XPR1: variants seen among roughly 807,000 people sequenced by gnomAD.
XPR1 encodes solute carrier family 53 member 1.
Under a neutral mutation model 87.5 loss-of-function variants are expected in XPR1, and 28 were observed. The ratio of observed to expected loss-of-function variants is 0.32; its 90% CI spans 0.24 to 0.44. XPR1 has a LOEUF of 0.44. Among genes scored for constraint, XPR1 ranks in the 20% least tolerant of loss-of-function variants. The probability of loss-of-function intolerance (pLI) is 1.00; values close to 1 mark genes in which losing one functional copy is unlikely to be tolerated. For missense variants in XPR1, 559 were observed against 862.3 expected (o/e 0.65, Z 4.41); for synonymous variants, 300 against 306.1 (o/e 0.98, Z 0.21).
intron 1 of XPR1, among the ~76,000 whole-genome samples, chr1:180,669,088 TAAAA>T (rs747188399): frequency 2.7e-5 from 3 of 111,836 alleles, no homozygotes; most frequent in South Asian, 5.7e-4. Context: ...AAACTCTGTC[TAAAA>T]AAAAAAAAAA....
At chr1:180,684,349 A>G (rs865908214) in intron 2 of XPR1, among the ~76,000 whole-genome samples, 7 of 152,048 alleles carry the variant, frequency 4.6e-5, no homozygotes, top group Middle Eastern at 3.4e-3. Context: ...TACCAGTACC[A>G]TGCTGTTTTG....
chr1:180,661,632 G>C (rs1655783092), intron 1 of XPR1, among the ~76,000 whole-genome samples: 1 of 152,040 alleles, frequency 6.6e-6, no homozygotes, highest in African/African-American at 2.4e-5. Context: ...CACTTTGGGA[G>C]GCCAAGGGGG....
At chr1:180,880,007 G>T in intron 13 of XPR1, 69 bp from the exon 14 acceptor site, 1 of 1,523,342 alleles carries the variant, frequency 6.6e-7, no homozygotes, top group South Asian at 1.1e-5. Context: ...TTGATACACT[G>T]GGAGGTTTAC....
intron 2 of XPR1, among the ~76,000 whole-genome samples, chr1:180,731,033 C>G (rs183082881): frequency 3.3e-5 from 5 of 152,270 alleles, no homozygotes; most frequent in Non-Finnish European, 4.4e-5. Context: ...ACACTTCATT[C>G]ATTACTCTAG....
chr1:180,684,563 G>T (rs917347575), intron 2 of XPR1, among the ~76,000 whole-genome samples: 1 of 152,022 alleles, frequency 6.6e-6, no homozygotes, highest in African/African-American at 2.4e-5. Context: ...CATTGAATCT[G>T]TAAATTACCT....
At position 180,774,599 on chromosome 1, in the gene XPR1, G is replaced by T. The variant is rs192992274; in HGVS notation, c.122-13154G>T. On this transcript the variant is annotated intron_variant, in intron 2 of 14. Coordinates refer to ENST00000367590, the MANE Select transcript of XPR1 (RefSeq NM_004736.4). ...TTTTTTTGTATATTTAGTAGAGATGGGGTTTCACCGTGTTAGCCAGGGTAG... is the reference window on the plus strand; with the variant it reads ...TTTTTTTGTATATTTAGTAGAGATGTGGTTTCACCGTGTTAGCCAGGGTAG... 1.9e-3 allele frequency among the ~76,000 whole-genome samples: 286 copies of T among 151,766 alleles called. 2 individuals are homozygous for T. Among genetic ancestry groups the T allele is most frequent in the African/African-American group, 6.7e-3 (276 of 41,390 alleles).
chr1:180,866,752 C>T (rs1652405127), intron 12 of XPR1, among the ~76,000 whole-genome samples: 1 of 150,902 alleles, frequency 6.6e-6, no homozygotes, highest in Admixed American at 6.6e-5. Context: ...TGAATAATAT[C>T]TAAAATTGAG....
chr1:180,873,573 A>G (rs1284920840), intron 12 of XPR1, among the ~76,000 whole-genome samples: 1 of 152,238 alleles, frequency 6.6e-6, no homozygotes, highest in Admixed American at 6.5e-5. Context: ...ACTCAAATTC[A>G]GTAATACTTC....
intron 2 of XPR1, among the ~76,000 whole-genome samples, chr1:180,734,994 A>G (rs564643193): frequency 1.4e-3 from 211 of 152,354 alleles, no homozygotes; most frequent in Non-Finnish European, 2.5e-3. Context: ...TTTATCTGTA[A>G]TGAGTGAGCT....
At chr1:180,681,330 C>G (rs575903546) in intron 1 of XPR1, among the ~76,000 whole-genome samples, 2 of 152,226 alleles carry the variant, frequency 1.3e-5, no homozygotes, top group East Asian at 3.9e-4. Context: ...GGCATATGTA[C>G]AGTTATTATT....
chr1:180,637,881 A>C (rs374594389), intron 1 of XPR1, among the ~76,000 whole-genome samples: 1 of 152,182 alleles, frequency 6.6e-6, no homozygotes, highest in African/African-American at 2.4e-5. Context: ...GTAAGGTTTT[A>C]CATCTACTGT....
At chr1:180,760,594 A>G (rs868436238) in intron 2 of XPR1, among the ~76,000 whole-genome samples, 3 of 152,222 alleles carry the variant, frequency 2.0e-5, no homozygotes, top group South Asian at 2.1e-4. Flanking sequence ...ACTACAAACC[A>G]CTGCTCAATC....
chr1:180,821,385 C>A (rs1650621406), intron 7 of XPR1, among the ~76,000 whole-genome samples: 1 of 152,158 alleles, frequency 6.6e-6, no homozygotes, highest in South Asian at 2.1e-4. Flanking sequence ...TCTCTGGATT[C>A]TCAGTGCTAT....
At chr1:180,747,074 A>G (rs12088750) in intron 2 of XPR1, among the ~76,000 whole-genome samples, 1 of 152,122 alleles carries the variant, frequency 6.6e-6, no homozygotes, top group Non-Finnish European at 1.5e-5. Context: ...TTAATACACA[A>G]TTACTTAATA....
rs1491385734 is a variant in XPR1 at position 180,656,569 on chromosome 1, T to TAATA, written c.69+24299_69+24300insAATA. Among the ~76,000 whole-genome samples the TAATA allele has an allele frequency of 1.9e-3, 86 of 44,664 alleles. 1 individual carries two copies. Among genetic ancestry groups the TAATA allele is most frequent in the Non-Finnish European group, 2.5e-3 (52 of 20,818 alleles). The allele number at this position is 44,664 out of a possible 152,430, so 29.3% of individuals were successfully genotyped here. On this transcript the variant is annotated intron_variant, in intron 1 of 14. Transcript: ENST00000367590. Reference sequence around the variant, plus strand: ...TATATATTTATATGTATAATATATATTTTATATATGTATGTATAATATATA... The same window carrying TAATA: ...TATATATTTATATGTATAATATATATAATATTTATATATGTATGTATAATATATA...
At chr1:180,815,380 G>A (rs1478933131) in intron 7 of XPR1, among the ~76,000 whole-genome samples, 1 of 151,960 alleles carries the variant, frequency 6.6e-6, no homozygotes, top group East Asian at 1.9e-4. Context: ...TTTGATCTTT[G>A]TGTATGTTGT....
intron 1 of XPR1, among the ~76,000 whole-genome samples, chr1:180,656,461 A>T (rs113313627): frequency 1.1e-4 from 7 of 65,270 alleles, no homozygotes; most frequent in Admixed American, 5.2e-4. Flanking sequence ...ATATATTTAT[A>T]TATAATATTT....
At chr1:180,735,533 T>A (rs1026269695) in intron 2 of XPR1, among the ~76,000 whole-genome samples, 1 of 152,186 alleles carries the variant, frequency 6.6e-6, no homozygotes, top group African/African-American at 2.4e-5. Flanking sequence ...GTATTTGATT[T>A]GTGTACAATC....
At chr1:180,860,573 A>G (rs1284193272) in intron 11 of XPR1, among the ~76,000 whole-genome samples, 3 of 152,198 alleles carry the variant, frequency 2.0e-5, no homozygotes, top group Non-Finnish European at 4.4e-5. Flanking sequence ...TCTTTAATAT[A>G]TTATGTTAAG....
Sources: gnomAD v4.1 joint callset for allele counts (sites outside exome capture counted in the v4.1 genomes callset) on GRCh38, gnomAD v4.1.1 for gene constraint, MANE v1.5 for transcripts, NCBI Gene and HGNC (gene_info 2026-07-23, HGNC 2026-07-21) for gene names.